Variants in NRXN3 observed in about 807,000 individuals in gnomAD.
NRXN3 encodes neurexin III.
Under a neutral mutation model 137.6 loss-of-function variants are expected in NRXN3, and 32 were observed. The observed-to-expected ratio is 0.23, with a 90% confidence interval of 0.18 to 0.31. The LOEUF is 0.31. NRXN3 is among the 10% of genes least tolerant of loss of function. NRXN3 has a pLI of 1.00. For synonymous variants in NRXN3, 798 were observed against 784.5 expected, an observed-to-expected ratio of 1.02 and a Z score of -0.29; for missense variants, 1,574 against 2,062.5, an observed-to-expected ratio of 0.76 and a Z score of 4.59.
chr14:78,788,300 G>A (rs1434050907), intron 8 of NRXN3, among the ~76,000 whole-genome samples: 1 of 152,184 alleles, frequency 6.6e-6, no homozygotes, highest in South Asian at 2.1e-4. Context: ...GCATGGCTTG[G>A]ATATTTTCAC....
chr14:78,582,000 TA>T (rs756325885), intron 4 of NRXN3, among the ~76,000 whole-genome samples: 2 of 152,348 alleles, frequency 1.3e-5, no homozygotes, highest in African/African-American at 2.4e-5. Flanking sequence ...CTATCCTCCA[TA>T]AGGTACTTAT....
chr14:79,827,989 C>A (rs2099310585), intron 20 of NRXN3, among the ~76,000 whole-genome samples: 1 of 152,126 alleles, frequency 6.6e-6, no homozygotes, highest in Admixed American at 6.5e-5. Flanking sequence ...AGCCACAGCA[C>A]CTGGCCGCCA....
intron 15 of NRXN3, among the ~76,000 whole-genome samples, chr14:79,302,554 G>T (rs74766097): frequency 6.6e-6 from 1 of 151,922 alleles, no homozygotes; most frequent in Non-Finnish European, 1.5e-5. Context: ...GCATGATATG[G>T]TTCGACTCTG....
intron 4 of NRXN3, among the ~76,000 whole-genome samples, chr14:78,583,541 G>T (rs985701725): frequency 6.6e-6 from 1 of 151,894 alleles, no homozygotes; most frequent in South Asian, 2.1e-4. Flanking sequence ...ATACAAAATC[G>T]CTTTATAAGA....
At position 79,861,099 on chromosome 14, in the gene NRXN3, C is replaced by T. The variant is rs1483388474; in HGVS notation, c.4094-243C>T. The T allele has an allele frequency of 2.7e-6, 4 of 1,455,558 alleles. No individual in the cohort carries two copies. In the South Asian group the frequency reaches 4.3e-5, roughly 16 times the overall value. The allele number at this position is 1,455,558 out of a possible 1,614,324, so 90.2% of individuals were successfully genotyped here. A position where few individuals can be genotyped will look rare whatever the true frequency, so the allele number is the denominator to read the frequency against. ...CCTTTAGCTACCCCTCCTATTGCTACTCGTGCACCTTCCATTACACTCCCC... is the reference window on the plus strand; with the variant it reads ...CCTTTAGCTACCCCTCCTATTGCTATTCGTGCACCTTCCATTACACTCCCC... On this transcript the variant is annotated intron_variant, in intron 20 of 20. Transcript: ENST00000335750. The surrounding 1 kb of genome is among the most constrained non-coding windows in gnomAD (Gnocchi z 5.4).
At position 78,243,493 on chromosome 14, in the gene NRXN3, C is replaced by G; in HGVS notation, c.400C>G (p.Leu134Val). The change falls in exon 2 of 21, where the codon CTG (leucine) becomes GTG (valine). Residue 134 changes from leucine to valine, a missense_variant. Leu to Val is a conservative substitution (Grantham distance 32). Around this residue, in one of 5 missense-constraint regions of NRXN3, gnomAD observed 400 missense variants for 527.3 expected, o/e 0.76. Transcript: ENST00000335750. This position sits in a 1 kb window ranked among gnomAD's most constrained non-coding sequence, Gnocchi z 4.2. ...TGATGGCGAGGGCCAGTCTGGGGAG[C>G]TGCAGCCCCAGCGGCCCTACATGGA... Reference protein sequence around the residue: ...MLDGEGQSGELQPQRPYMDVV... With the variant: ...MLDGEGQSGEVQPQRPYMDVV... 1 of 1,590,992 alleles carries G rather than the reference C, an allele frequency of 6.3e-7. No individual in the cohort carries two copies. The highest frequency in any genetic ancestry group is 8.5e-7 in the Non-Finnish European group (1 of 1,176,336).
chr14:79,807,969 G>A (rs2099215105), intron 20 of NRXN3, among the ~76,000 whole-genome samples: 1 of 151,970 alleles, frequency 6.6e-6, no homozygotes, highest in Admixed American at 6.6e-5. Flanking sequence ...CCACTAATGG[G>A]GATTACCTGC....
At chr14:79,548,267 T>G (rs1455878781) in intron 16 of NRXN3, among the ~76,000 whole-genome samples, 2 of 152,266 alleles carry the variant, frequency 1.3e-5, no homozygotes, top group Middle Eastern at 3.4e-3. Flanking sequence ...CAACTCCCAC[T>G]TATGAGTGAG....
At chr14:78,647,733 C>G (rs2097701250) in intron 5 of NRXN3, among the ~76,000 whole-genome samples, 1 of 152,162 alleles carries the variant, frequency 6.6e-6, no homozygotes, top group Non-Finnish European at 1.5e-5. Context: ...AGGAAAATCT[C>G]TGAAAAGCAA....
chr14:79,081,362 T>A (rs949709582), intron 15 of NRXN3, among the ~76,000 whole-genome samples: 3 of 152,148 alleles, frequency 2.0e-5, no homozygotes, highest in Non-Finnish European at 4.4e-5. Flanking sequence ...ACGCCTGTAA[T>A]CCCAACTCTT....
chr14:78,790,106 A>G (rs911366663), intron 8 of NRXN3, among the ~76,000 whole-genome samples: 3 of 152,202 alleles, frequency 2.0e-5, no homozygotes, highest in African/African-American at 7.2e-5. Context: ...ATTTGTATAA[A>G]TTAAGTCATA....
intron 10 of NRXN3, among the ~76,000 whole-genome samples, chr14:78,862,876 T>C (rs1010409321): frequency 6.6e-6 from 1 of 152,170 alleles, no homozygotes; most frequent in African/African-American, 2.4e-5. Context: ...ATGCAGAGAA[T>C]GTTAAAATAT....
chr14:79,187,410 A>G (rs2063667113), intron 15 of NRXN3, among the ~76,000 whole-genome samples: 1 of 152,150 alleles, frequency 6.6e-6, no homozygotes, highest in Non-Finnish European at 1.5e-5. Context: ...TGTTATCTCC[A>G]TTTTAGAGAT....
intron 6 of NRXN3, among the ~76,000 whole-genome samples, chr14:78,663,861 T>C (rs2097859848): frequency 6.6e-6 from 1 of 152,196 alleles, no homozygotes; most frequent in Admixed American, 6.5e-5. Flanking sequence ...AAAAAAACAC[T>C]AGTCCTTGTA....
Position 79,497,121 on chromosome 14 carries a change from C to T in NRXN3, c.3444+29719C>T, listed in dbSNP as rs564130386. The stretch of plus-strand genomic sequence containing the variant: ...CCGGACCTTGGGTTCTTAACTCTAA[C>T]CTTAGTATTCCAGAGAAGATTTCAA... On this transcript the variant is annotated intron_variant, in intron 16 of 20. Transcript: ENST00000335750. Among the ~76,000 whole-genome samples, 4 of 152,254 alleles carry T rather than the reference C, an allele frequency of 2.6e-5. No individual in the cohort carries two copies. In the South Asian group the frequency reaches 6.2e-4, roughly 24 times the overall value.
intron 15 of NRXN3, among the ~76,000 whole-genome samples, chr14:79,033,412 A>G (rs981974359): frequency 6.6e-6 from 1 of 152,154 alleles, no homozygotes; most frequent in Admixed American, 6.6e-5. Flanking sequence ...ACAGTGTAGC[A>G]TAGCTCATAT....
chr14:78,799,098 A>C (rs1398515176), intron 8 of NRXN3, among the ~76,000 whole-genome samples: 1 of 152,250 alleles, frequency 6.6e-6, no homozygotes, highest in Non-Finnish European at 1.5e-5. Context: ...ATGTAAATTT[A>C]TGCAGCTGGC....
intron 4 of NRXN3, among the ~76,000 whole-genome samples, chr14:78,511,453 T>C (rs1358916258): frequency 6.6e-6 from 1 of 152,176 alleles, no homozygotes; most frequent in Non-Finnish European, 1.5e-5. Context: ...CCCACTTCTA[T>C]ATGAAGCCCA....
chr14:78,295,884 C>G (rs920987169), intron 3 of NRXN3, among the ~76,000 whole-genome samples: 1 of 152,128 alleles, frequency 6.6e-6, no homozygotes, highest in Non-Finnish European at 1.5e-5. Context: ...AAAATATTCA[C>G]GTGGGTCAAA....
Sources: allele counts gnomAD v4.1 joint callset (sites outside exome capture counted in the v4.1 genomes callset), GRCh38; gene constraint gnomAD v4.1.1; regional missense constraint gnomAD v4.1.1; non-coding constraint Gnocchi (gnomAD v3.1); transcripts MANE v1.5; gene names NCBI Gene and HGNC (gene_info 2026-07-23, HGNC 2026-07-21).